PLCG2: variants seen among roughly 807,000 people sequenced by gnomAD.
PLCG2 encodes the protein phospholipase C gamma 2, also known as 1-phosphatidylinositol 4,5-bisphosphate phosphodiesterase gamma-2.
Under a neutral mutation model 175.6 loss-of-function variants are expected in PLCG2, and 69 were observed. The observed-to-expected ratio is 0.39, with a 90% CI of 0.32 to 0.48. The LOEUF is 0.48. Among genes scored for constraint, PLCG2 ranks in the 20% least tolerant of loss-of-function variants. The pLI is 0.91. For missense variants in PLCG2, 1,798 were observed against 1,650.9 expected (o/e 1.09, Z -1.54); for synonymous variants, 827 against 624.0 (o/e 1.33, Z -4.85).
intron 1 of PLCG2, among the ~76,000 whole-genome samples, chr16:81,743,614 T>C (rs1036890234): frequency 1.5e-4 from 23 of 152,258 alleles, no homozygotes; most frequent in African/African-American, 5.3e-4. Flanking sequence ...CTTAGGGCTT[T>C]TATTGGAACT....
At chr16:81,957,526 G>A (rs182822170) in intron 32 of PLCG2, among the ~76,000 whole-genome samples, 14 of 152,268 alleles carry the variant, frequency 9.2e-5, no homozygotes, top group Non-Finnish European at 1.9e-4. Context: ...AGCGGCTCTA[G>A]ACTGGGTCAA....
Position 81,959,275 on chromosome 16 carries a change from A to G in PLCG2, c.*1277A>G, listed in dbSNP as rs1203666458. 4.5e-6 allele frequency: 1 copy of G among 223,120 alleles called. No homozygotes were observed. Among genetic ancestry groups the G allele is most frequent in the Non-Finnish European group, 8.9e-6 (1 of 111,848 alleles). 13.8% of individuals were successfully genotyped at this position (223,120 alleles called of 1,614,324 possible). On this transcript the variant is annotated 3_prime_UTR_variant, in exon 33 of 33. Coordinates refer to ENST00000564138, the MANE Select transcript of PLCG2 (RefSeq NM_002661.5). ...ATGTGGATGGAACTGGCCCCTAGAA[A>G]CCCATCTGACCCTCCTCTTGTTACC...
chr16:81,760,621 C>G (rs1446022043), intron 2 of PLCG2, among the ~76,000 whole-genome samples: 2 of 151,910 alleles, frequency 1.3e-5, no homozygotes, highest in East Asian at 1.9e-4. Context: ...CTACATAATA[C>G]TTATATGGGC....
chr16:81,859,884 C>T (rs550058930), intron 5 of PLCG2, among the ~76,000 whole-genome samples: 8 of 152,120 alleles, frequency 5.3e-5, no homozygotes, highest in Middle Eastern at 3.2e-3. Context: ...GATGTGATAA[C>T]GTATATTCAG....
chr16:81,915,167 G>A (rs556355878), intron 19 of PLCG2, among the ~76,000 whole-genome samples: 1 of 152,338 alleles, frequency 6.6e-6, no homozygotes, highest in African/African-American at 2.4e-5. Context: ...AGGCAGGGTG[G>A]TGGAGGGTGA....
chr16:81,833,805 C>T (rs4258607), intron 2 of PLCG2, among the ~76,000 whole-genome samples: 43,713 of 151,962 alleles, frequency 0.29, 7,543 homozygotes, highest in East Asian at 0.58. Flanking sequence ...GCCTTGGCCT[C>T]CCAAAGTGGT....
intron 2 of PLCG2, among the ~76,000 whole-genome samples, chr16:81,771,321 G>T (rs947876936): frequency 6.6e-6 from 1 of 152,174 alleles, no homozygotes; most frequent in Non-Finnish European, 1.5e-5. Context: ...TTAAACGCCT[G>T]TGCTCAAGGG....
At chr16:81,812,225 A>G (rs1038239367) in intron 2 of PLCG2, among the ~76,000 whole-genome samples, 1 of 151,270 alleles carries the variant, frequency 6.6e-6, no homozygotes, top group Non-Finnish European at 1.5e-5. Context: ...AATTTTTTGT[A>G]TTTTTAGTAG....
chr16:81,860,906 G>A (rs1906947414), intron 5 of PLCG2, among the ~76,000 whole-genome samples: 1 of 152,126 alleles, frequency 6.6e-6, no homozygotes, highest in African/African-American at 2.4e-5. Context: ...GAACCCGGGA[G>A]GTGGAGGTTG....
chr16:81,934,817 C>G (rs1215853506), intron 26 of PLCG2, among the ~76,000 whole-genome samples: 1 of 152,046 alleles, frequency 6.6e-6, no homozygotes, highest in Non-Finnish European at 1.5e-5. Flanking sequence ...GGAGGCCTCA[C>G]AATTATGGCA....
At position 81,931,490 on chromosome 16, in the gene PLCG2, C is replaced by T. The variant is rs1910500830; in HGVS notation, c.2582-7C>T. On this transcript the variant is annotated splice_polypyrimidine_tract_variant and splice_region_variant and intron_variant, in intron 24 of 32. Coordinates refer to ENST00000564138, the MANE Select transcript of PLCG2 (RefSeq NM_002661.5). ...GATTGGGACATTTCTTATTCTCTTA[C>T]CCCAAGTGAAAGCCCCTCAGGGAAA... The T allele has an allele frequency of 8.7e-6, 14 of 1,613,346 alleles. No individual in the cohort carries two copies. The highest frequency in any genetic ancestry group is 1.6e-4 in the Middle Eastern group (1 of 6,082).
intron 2 of PLCG2, among the ~76,000 whole-genome samples, chr16:81,759,641 A>G (rs1349091388): frequency 3.9e-5 from 6 of 152,204 alleles, no homozygotes; most frequent in Non-Finnish European, 2.9e-5. Context: ...AGCCCCTGTC[A>G]TCCAAACTCC....
At chr16:81,771,064 A>AG (rs1185922025) in intron 2 of PLCG2, among the ~76,000 whole-genome samples, 1 of 68,778 alleles carries the variant, frequency 1.5e-5, no homozygotes, top group Non-Finnish European at 3.5e-5. Context: ...TCTCAAAAAA[A>AG]AAAAAAAATA....
At chr16:81,826,770 A>C (rs1457426909) in intron 2 of PLCG2, among the ~76,000 whole-genome samples, 3 of 152,188 alleles carry the variant, frequency 2.0e-5, no homozygotes, top group Non-Finnish European at 4.4e-5. Context: ...AGTAGCAAGA[A>C]CCTTCCCAAA....
intron 13 of PLCG2, among the ~76,000 whole-genome samples, chr16:81,896,534 C>A (rs553840611): frequency 6.6e-6 from 1 of 151,640 alleles, no homozygotes; most frequent in South Asian, 2.1e-4. Context: ...GGTCACATTG[C>A]GCCACTGCAC....
chr16:81,960,240 A>G lies in PLCG2; in HGVS notation c.*2242A>G, dbSNP rs1443753408. On this transcript the variant is annotated 3_prime_UTR_variant, in exon 33 of 33. Transcript: ENST00000564138. The stretch of plus-strand genomic sequence containing the variant: ...AGGGACTGATTCTCTCAGGAAAGGC[A>G]CACATGGTATGATGGCTCTTCCCAG... The G allele has an allele frequency of 4.5e-6, 1 of 220,664 alleles. No homozygotes were observed. The highest frequency in any genetic ancestry group is 2.2e-5 in the African/African-American group (1 of 44,638). 13.7% of individuals were successfully genotyped at this position (220,664 alleles called of 1,614,324 possible).
intron 2 of PLCG2, among the ~76,000 whole-genome samples, chr16:81,812,741 CTT>C (rs1273994046): frequency 6.6e-6 from 1 of 152,178 alleles, no homozygotes; most frequent in Non-Finnish European, 1.5e-5. Context: ...GTCATGAAGT[CTT>C]TGCCCATGCC....
rs1253716514 is a variant in PLCG2 at position 81,786,147 on chromosome 16, C to T, written c.158C>T (p.Ala53Val). The change falls in exon 2 of 33, where the codon GCC becomes GTC. Residue 53 changes from alanine (A) to valine (V), a missense_variant. By Grantham distance (64) the Ala-to-Val change is moderately conservative (BLOSUM62 0). Transcript: ENST00000564138. ...GTGATCATGGAGACGCGGCAGGTGGCCTGGAGCAAGACCGCTGACAAGATC... is the reference window on the plus strand; with the variant it reads ...GTGATCATGGAGACGCGGCAGGTGGTCTGGAGCAAGACCGCTGACAAGATC... ...VQVIMETRQV[A>V]WSKTADKIEG... 1 of 1,614,008 alleles carries T rather than the reference C, an allele frequency of 6.2e-7. No individual in the cohort carries two copies. The highest frequency in any genetic ancestry group is 1.7e-5 in the Admixed American group (1 of 60,000).
intron 2 of PLCG2, among the ~76,000 whole-genome samples, chr16:81,844,775 A>G (rs954819360): frequency 6.6e-6 from 1 of 152,276 alleles, no homozygotes; most frequent in African/African-American, 2.4e-5. Context: ...ACACTTGTAT[A>G]TAATATGTAC....
Sources: allele counts gnomAD v4.1 joint callset (sites outside exome capture counted in the v4.1 genomes callset), GRCh38; gene constraint gnomAD v4.1.1; transcripts MANE v1.5; gene names NCBI Gene and HGNC (gene_info 2026-07-23, HGNC 2026-07-21).